The following LRP2 variants were observed in gnomAD, a reference collection of about 807,000 sequenced individuals.
LRP2 encodes LDL receptor related protein 2.
Under a neutral mutation model 531.0 loss-of-function variants are expected in LRP2, and 172 were observed. That is an observed-to-expected ratio of 0.32 (90% confidence interval 0.29 to 0.37). LRP2 has a LOEUF of 0.37. LRP2 is among the 10% of genes least tolerant of loss of function. The pLI, the probability that LRP2 is intolerant of heterozygous loss-of-function variation, is 1.00. For missense variants in LRP2, 5,167 were observed against 5,868.3 expected (o/e 0.88, Z 3.90); for synonymous variants, 1,992 against 2,027.6 (o/e 0.98, Z 0.47).
chr2:169,283,725 A>G (rs913593346), intron 9 of LRP2, among the ~76,000 whole-genome samples: 3 of 152,164 alleles, frequency 2.0e-5, no homozygotes, highest in Admixed American at 6.5e-5. Flanking sequence ...TCCTCTACTT[A>G]TTGGTTAACT....
chr2:169,279,367 C>T lies in LRP2; in HGVS notation c.1565+5G>A. The T allele has an allele frequency of 6.2e-7, 1 of 1,603,072 alleles. No homozygotes were observed. On this transcript the variant is annotated splice_donor_5th_base_variant and intron_variant, in intron 12 of 78. Transcript: ENST00000649046. The stretch of plus-strand genomic sequence containing the variant: ...CAGGAATCAATATGTTTTCACATCA[C>T]TTACCCAACAGTTGGGTCCACGGCA...
chr2:169,278,020 A>G (rs907285777), intron 12 of LRP2, 69 bp from the exon 13 acceptor site: 2 of 1,285,668 alleles, frequency 1.6e-6, no homozygotes, highest in Non-Finnish European at 2.3e-6. Context: ...TTTTTTTAAC[A>G]GTGTGTTTGG....
intron 62 of LRP2, among the ~76,000 whole-genome samples, chr2:169,162,898 T>C (rs1240112945): frequency 9.2e-5 from 14 of 152,234 alleles, no homozygotes; most frequent in Admixed American, 9.2e-4. Context: ...AGCTGCAAGA[T>C]GCAGGAGGGC....
At chr2:169,170,469 A>G in intron 59 of LRP2, 82 bp downstream of exon 59, 2 of 1,072,270 alleles carry the variant, frequency 1.9e-6, no homozygotes, top group Middle Eastern at 2.0e-4. Context: ...ATTTTCCTCT[A>G]AAAGCCTTAT....
chr2:169,166,696 C>T (rs889315400), intron 61 of LRP2, among the ~76,000 whole-genome samples: 14 of 152,348 alleles, frequency 9.2e-5, no homozygotes, highest in African/African-American at 2.9e-4. Flanking sequence ...AACCCTGACA[C>T]ACTTGCTGTC....
chr2:169,324,796 C>A (rs1036047087), intron 1 of LRP2, among the ~76,000 whole-genome samples: 2 of 152,134 alleles, frequency 1.3e-5, no homozygotes, highest in African/African-American at 4.8e-5. Flanking sequence ...AGGAACAACA[C>A]TGGATTGAGA....
chr2:169,160,615 A>G (rs1305833017), intron 63 of LRP2, among the ~76,000 whole-genome samples: 2 of 151,726 alleles, frequency 1.3e-5, no homozygotes, highest in African/African-American at 4.9e-5. Context: ...TCCATGTCAC[A>G]TATTCACTTA....
chr2:169,203,031 G>A (rs1413079130), intron 42 of LRP2, 72 bp from the exon 43 acceptor site: 1 of 1,255,510 alleles, frequency 8.0e-7, no homozygotes, highest in African/African-American at 1.5e-5. Flanking sequence ...CTCCACAATA[G>A]CACTTGCAAC....
chr2:169,135,725 G>GT (rs1558970421), intron 76 of LRP2, among the ~76,000 whole-genome samples: 1 of 151,934 alleles, frequency 6.6e-6, no homozygotes, highest in Non-Finnish European at 1.5e-5. Flanking sequence ...ACAGGGTACA[G>GT]CCATTTAAGC....
At position 169,225,629 on chromosome 2, in the gene LRP2, T is replaced by C. The variant is rs533577970; in HGVS notation, c.5395-176A>G. 4.6e-5 allele frequency among the ~76,000 whole-genome samples: 7 copies of C among 152,216 alleles called. No individual in the cohort carries two copies. The South Asian group carries it at 8.3e-4, about 18-fold the overall frequency. Reference sequence around the variant, plus strand: ...GTAGGCTTCAAACGATTTTTCAGTGTGTCACAGGAATACACAAGGCTTACC... The same window carrying C: ...GTAGGCTTCAAACGATTTTTCAGTGCGTCACAGGAATACACAAGGCTTACC... On this transcript the variant is annotated intron_variant, in intron 32 of 78. Transcript: ENST00000649046.
intron 31 of LRP2, among the ~76,000 whole-genome samples, chr2:169,231,459 C>T (rs1246111263): frequency 6.6e-6 from 1 of 151,994 alleles, no homozygotes; most frequent in Non-Finnish European, 1.5e-5. Flanking sequence ...TCTAACTGTA[C>T]CCAGGTGAGA....
chr2:169,211,923 G>A, intron 37 of LRP2, 45 bp downstream of exon 37: 1 of 1,612,654 alleles, frequency 6.2e-7, no homozygotes, highest in Non-Finnish European at 8.5e-7. Context: ...ATTTCAACCT[G>A]GTGCCAGATG....
chr2:169,328,212 C>A (rs1239841266), intron 1 of LRP2, among the ~76,000 whole-genome samples: 1 of 126,586 alleles, frequency 7.9e-6, no homozygotes, highest in Non-Finnish European at 1.7e-5. Flanking sequence ...CCCCGCCCGG[C>A]CAGCCGCCCC....
At position 169,132,571 on chromosome 2, in the gene LRP2, T is replaced by A; in HGVS notation, c.13728+3A>T. ...CATTATTTCAGGAGTCGGCAACTGT[T>A]ACCTGAGTTCCATCAGCAGCTGGTG... On this transcript the variant is annotated splice_donor_region_variant and intron_variant, in intron 77 of 78. Transcript: ENST00000649046. 6.4e-7 allele frequency: 1 copy of A among 1,572,690 alleles called. No homozygotes were observed. Among genetic ancestry groups the A allele is most frequent in the Non-Finnish European group, 8.8e-7 (1 of 1,142,214 alleles).
At chr2:169,337,867 G>A (rs1410215374) in intron 1 of LRP2, among the ~76,000 whole-genome samples, 1 of 152,184 alleles carries the variant, frequency 6.6e-6, no homozygotes, top group Non-Finnish European at 1.5e-5. Context: ...AACACTTTGG[G>A]AGGCTGAGGC....
In LRP2 at chr2:169,145,573, G is replaced by T. The variant is rs2239589; in HGVS notation, c.12988+174C>A. The stretch of plus-strand genomic sequence containing the variant: ...ACCACCAATTTTATCTTTCTTTGGT[G>T]AAAATGGTTAAAACGTTCCTCTCCC... On this transcript the variant is annotated intron_variant, in intron 70 of 78. Transcript: ENST00000649046. Among the ~76,000 whole-genome samples, 109,420 of 152,092 alleles carry T rather than the reference G, an allele frequency of 0.72. 39,824 individuals are homozygous for T. The highest frequency in any genetic ancestry group is 0.85 in the South Asian group (4,100 of 4,830).
rs567264189 is a variant in LRP2 at position 169,328,127 on chromosome 2, C to T, written c.80-7243G>A. 2.4e-3 allele frequency among the ~76,000 whole-genome samples: 331 copies of T among 140,652 alleles called. 5 individuals carry two copies. In the South Asian group the frequency reaches 0.031, roughly 13 times the overall value. The allele number at this position is 140,652 out of a possible 152,430, so 92.3% of individuals were successfully genotyped here. A position where few individuals can be genotyped will look rare whatever the true frequency, so the allele number is the denominator to read the frequency against. ...GAGGTGAGGGGCGCCTCTGCCCAGC[C>T]GCCCCTACTGGGAAGTGAGGAGCCC... is the stretch of plus-strand genomic sequence containing the variant. On this transcript the variant is annotated intron_variant, in intron 1 of 78. Transcript: ENST00000649046.
At chr2:169,162,897 A>G (rs1686642652) in intron 62 of LRP2, among the ~76,000 whole-genome samples, 1 of 152,238 alleles carries the variant, frequency 6.6e-6, no homozygotes, top group South Asian at 2.1e-4. Flanking sequence ...CAGCTGCAAG[A>G]TGCAGGAGGG....
At chr2:169,142,887 G>T in intron 70 of LRP2, 94 bp from the exon 71 acceptor site, 1 of 1,418,634 alleles carries the variant, frequency 7.0e-7, no homozygotes, top group Non-Finnish European at 9.9e-7. Context: ...TGACAGCAGA[G>T]CCTAGGCATC....
Sources: allele counts gnomAD v4.1 joint callset (sites outside exome capture counted in the v4.1 genomes callset), GRCh38; gene constraint gnomAD v4.1.1; transcripts MANE v1.5; gene names NCBI Gene and HGNC (gene_info 2026-07-23, HGNC 2026-07-21).